The following UBE2E2 variants were observed in gnomAD, a reference collection of about 807,000 sequenced individuals.
The protein encoded by UBE2E2 is ubiquitin-conjugating enzyme E2 E2.
UBE2E2 carries 6 observed loss-of-function variants against 24.7 expected under a neutral mutation model. The ratio of observed to expected loss-of-function variants is 0.24; its 90% confidence interval spans 0.13 to 0.48. The LOEUF (loss-of-function observed/expected upper bound fraction) is 0.48, where lower values mean the gene tolerates loss of function less well. Among genes scored for constraint, UBE2E2 ranks in the 20% least tolerant of loss-of-function variants. The pLI, the probability that UBE2E2 is intolerant of heterozygous loss-of-function variation, is 0.99. For synonymous variants in UBE2E2, 104 were observed against 83.6 expected (o/e 1.24, Z -1.33); for missense variants, 169 against 245.0 (o/e 0.69, Z 2.07).
chr3:23,546,507 C>G (rs1315812757), intron 5 of UBE2E2, among the ~76,000 whole-genome samples: 2 of 57,576 alleles, frequency 3.5e-5, no homozygotes, highest in South Asian at 1.2e-3. Context: ...GAGTTTTACT[C>G]TTGTTGCCCA....
At chr3:23,257,426 A>G (rs759029846) in intron 3 of UBE2E2, among the ~76,000 whole-genome samples, 1 of 150,646 alleles carries the variant, frequency 6.6e-6, no homozygotes, top group Non-Finnish European at 1.5e-5. Context: ...CTGCAACAAA[A>G]TAGATGTACT....
intron 3 of UBE2E2, among the ~76,000 whole-genome samples, chr3:23,327,340 T>A (rs1249970255): frequency 6.6e-6 from 1 of 152,172 alleles, no homozygotes; most frequent in African/African-American, 2.4e-5. Flanking sequence ...CACCTGTTGT[T>A]TCCTGACTTT....
At chr3:23,517,305 C>T (rs997894389) in intron 4 of UBE2E2, among the ~76,000 whole-genome samples, 8 of 152,040 alleles carry the variant, frequency 5.3e-5, no homozygotes, top group Non-Finnish European at 8.8e-5. Flanking sequence ...TAATCTCTGT[C>T]GACTAAAATA....
At chr3:23,396,318 T>C (rs541803370) in intron 3 of UBE2E2, among the ~76,000 whole-genome samples, 3 of 131,450 alleles carry the variant, frequency 2.3e-5, no homozygotes, top group Admixed American at 7.5e-5. Context: ...TATATATATA[T>C]GTATATATAT....
At chr3:23,316,265 G>A (rs1239223583) in intron 3 of UBE2E2, among the ~76,000 whole-genome samples, 2 of 152,030 alleles carry the variant, frequency 1.3e-5, no homozygotes, top group African/African-American at 4.8e-5. Flanking sequence ...CCCGGAGGTG[G>A]AAACCTTAGA....
chr3:23,267,816 G>A (rs1287910210), intron 3 of UBE2E2, among the ~76,000 whole-genome samples: 2 of 148,978 alleles, frequency 1.3e-5, no homozygotes, highest in African/African-American at 2.5e-5. Context: ...ATAAAATACT[G>A]GCAAACCGAA....
intron 3 of UBE2E2, among the ~76,000 whole-genome samples, chr3:23,410,487 G>A (rs1421366076): frequency 6.6e-6 from 1 of 152,072 alleles, no homozygotes; most frequent in East Asian, 1.9e-4. Flanking sequence ...ATAAAGTAAC[G>A]AGGCATGTTT....
intron 3 of UBE2E2, among the ~76,000 whole-genome samples, chr3:23,483,134 C>A (rs1366977245): frequency 6.6e-6 from 1 of 152,164 alleles, no homozygotes; most frequent in African/African-American, 2.4e-5. Flanking sequence ...TCTGTATCTC[C>A]TGCTTTCAGT....
chr3:23,458,878 C>CA (rs1181140613), intron 3 of UBE2E2, among the ~76,000 whole-genome samples: 1 of 151,792 alleles, frequency 6.6e-6, no homozygotes, highest in Non-Finnish European at 1.5e-5. Flanking sequence ...ATTTGAAAAA[C>CA]AAAAAAATGC....
intron 3 of UBE2E2, among the ~76,000 whole-genome samples, chr3:23,311,277 T>C (rs956624233): frequency 6.6e-6 from 1 of 152,244 alleles, no homozygotes; most frequent in Non-Finnish European, 1.5e-5. Context: ...TTTGGGTTGG[T>C]TCCAAGTCTT....
chr3:23,517,131 C>G (rs1033145445), intron 4 of UBE2E2, among the ~76,000 whole-genome samples: 3 of 151,988 alleles, frequency 2.0e-5, no homozygotes, highest in Non-Finnish European at 2.9e-5. Context: ...GTCTTTTCTA[C>G]CGAGACATCC....
chr3:23,402,058 T>C (rs765874554), intron 3 of UBE2E2, among the ~76,000 whole-genome samples: 1 of 151,990 alleles, frequency 6.6e-6, no homozygotes, highest in African/African-American at 2.4e-5. Flanking sequence ...GGTTTCACCA[T>C]GTTGGCCAGG....
chr3:23,456,909 C>T (rs1698692238), intron 3 of UBE2E2, among the ~76,000 whole-genome samples: 1 of 152,206 alleles, frequency 6.6e-6, no homozygotes. Context: ...TAGATGGCCT[C>T]TTCTTCCAAA....
At chr3:23,530,613 ATT>A (rs1695100923) in intron 4 of UBE2E2, among the ~76,000 whole-genome samples, 1 of 152,134 alleles carries the variant, frequency 6.6e-6, no homozygotes, top group Admixed American at 6.5e-5. Context: ...CAGGAAAAAC[ATT>A]TCTCTTCTCA....
chr3:23,517,497 G>C (rs777329172), intron 4 of UBE2E2, among the ~76,000 whole-genome samples: 2 of 152,034 alleles, frequency 1.3e-5, no homozygotes, highest in Non-Finnish European at 2.9e-5. Flanking sequence ...TTTTAATTAT[G>C]GTATGTGTGG....
chr3:23,352,822 C>T (rs1246921403), intron 3 of UBE2E2, among the ~76,000 whole-genome samples: 10 of 152,134 alleles, frequency 6.6e-5, no homozygotes, highest in African/African-American at 2.2e-4. Context: ...GGAACTGGTA[C>T]GATTCTTTCT....
chr3:23,510,095 T>G (rs1357424362), intron 4 of UBE2E2, among the ~76,000 whole-genome samples: 1 of 152,144 alleles, frequency 6.6e-6, no homozygotes, highest in African/African-American at 2.4e-5. Context: ...TAGCAGCCTC[T>G]TAGAGATTTG....
At chr3:23,531,307 T>C (rs1273156246) in intron 4 of UBE2E2, among the ~76,000 whole-genome samples, 1 of 152,212 alleles carries the variant, frequency 6.6e-6, no homozygotes, top group Admixed American at 6.5e-5. Flanking sequence ...AAAGACTGTC[T>C]TTAGAACCCT....
chr3:23,424,600 C>T (rs890601637), intron 3 of UBE2E2, among the ~76,000 whole-genome samples: 2 of 152,002 alleles, frequency 1.3e-5, no homozygotes, highest in Non-Finnish European at 2.9e-5. Flanking sequence ...GTCCTCTGCT[C>T]CAGGCATAAG....
Sources: allele counts gnomAD v4.1 joint callset (sites outside exome capture counted in the v4.1 genomes callset), GRCh38; gene constraint gnomAD v4.1.1; transcripts MANE v1.5; gene names NCBI Gene and HGNC (gene_info 2026-07-23, HGNC 2026-07-21).